Variants in CCDC30 observed in about 807,000 individuals in gnomAD.
CCDC30 encodes the protein coiled-coil domain containing 30, also known as coiled-coil domain-containing protein 30.
A neutral mutation model predicts 100.2 loss-of-function variants in CCDC30; 70 were observed. The ratio of observed to expected loss-of-function variants is 0.70; its 90% CI spans 0.58 to 0.85. The LOEUF (loss-of-function observed/expected upper bound fraction) is 0.85, where lower values mean the gene tolerates loss of function less well. CCDC30 is among the 40% of genes least tolerant of loss of function. The probability of loss-of-function intolerance (pLI) is 0.00; values close to 1 mark genes in which losing one functional copy is unlikely to be tolerated. For synonymous variants in CCDC30, 233 were observed against 269.5 expected (o/e 0.86, Z 1.33); for missense variants, 652 against 771.2 (o/e 0.85, Z 1.83).
intron 6 of CCDC30, among the ~76,000 whole-genome samples, chr1:42,535,583 G>A (rs1211564596): frequency 7.3e-6 from 1 of 136,492 alleles, no homozygotes; most frequent in Non-Finnish European, 1.6e-5. Context: ...GGGTCGGCCG[G>A]GCACGGTGGC....
At chr1:42,523,028 C>A (rs913185319) in intron 6 of CCDC30, among the ~76,000 whole-genome samples, 1 of 151,908 alleles carries the variant, frequency 6.6e-6, no homozygotes, top group Non-Finnish European at 1.5e-5. Context: ...CAGGCTTTCA[C>A]CATGTTGGCT....
chr1:42,612,920 A>G (rs1399122183), intron 11 of CCDC30, among the ~76,000 whole-genome samples: 1 of 152,222 alleles, frequency 6.6e-6, no homozygotes, highest in African/African-American at 2.4e-5. Flanking sequence ...GTGCTGAAAA[A>G]AATCATTTTA....
At chr1:42,520,971 C>T (rs1452397282) in intron 6 of CCDC30, among the ~76,000 whole-genome samples, 2 of 99,488 alleles carry the variant, frequency 2.0e-5, no homozygotes, top group African/African-American at 5.8e-5. Context: ...TAAGTATTTT[C>T]TTTTTTCTTT....
chr1:42,547,415 G>A (rs1418193788), intron 6 of CCDC30, among the ~76,000 whole-genome samples: 1 of 152,146 alleles, frequency 6.6e-6, no homozygotes. Context: ...AAGATGAAAT[G>A]GTCAATCTGA....
rs564279298 is a variant in CCDC30, at chr1:42,526,524, C to A, written c.456+27608C>A. ...GAATAATTCATATCCTTTTCCCAGGCCTTGTTTTTATTTGGATCTCTTTTC... is the reference window on the plus strand; with the variant it reads ...GAATAATTCATATCCTTTTCCCAGGACTTGTTTTTATTTGGATCTCTTTTC... On this transcript the variant is annotated intron_variant, in intron 6 of 16. Coordinates refer to ENST00000668663, the Ensembl canonical transcript of CCDC30. 8.4e-4 allele frequency among the ~76,000 whole-genome samples: 128 copies of A among 151,992 alleles called. 1 individual carries two copies. The highest frequency in any genetic ancestry group is 4.7e-3 in the Admixed American group (72 of 15,262).
chr1:42,524,014 TA>T (rs1234317844), intron 6 of CCDC30, among the ~76,000 whole-genome samples: 3 of 152,102 alleles, frequency 2.0e-5, no homozygotes, highest in Non-Finnish European at 2.9e-5. Flanking sequence ...CATGTGTCCA[TA>T]AGCTTCCTTA....
At chr1:42,520,257 CT>C (rs940012775) in intron 6 of CCDC30, among the ~76,000 whole-genome samples, 1 of 141,918 alleles carries the variant, frequency 7.0e-6, no homozygotes, top group Non-Finnish European at 1.6e-5. Flanking sequence ...CCCGCCTTCA[CT>C]TTGCTTTTTC....
At chr1:42,556,515 T>C (rs1645374193) in intron 6 of CCDC30, 110 bp downstream of exon 10, 2 of 1,224,494 alleles carry the variant, frequency 1.6e-6, no homozygotes, top group East Asian at 5.1e-5. Flanking sequence ...TTTTATTTTT[T>C]TAGGTACATA....
chr1:42,464,381 A>G (rs1270791584), intron 1 of CCDC30, among the ~76,000 whole-genome samples: 6 of 152,236 alleles, frequency 3.9e-5, no homozygotes, highest in African/African-American at 1.4e-4. Flanking sequence ...AAGGGCATTC[A>G]AAGTGATCAT....
intron 14 of CCDC30, 116 bp from the exon 19 acceptor site, chr1:42,646,019 C>G: frequency 7.6e-7 from 1 of 1,320,764 alleles, no homozygotes; most frequent in East Asian, 2.6e-5. Flanking sequence ...AGAATGGTCA[C>G]ATGGATCAGA....
chr1:42,498,195 A>C (rs1367849590), intron 5 of CCDC30, among the ~76,000 whole-genome samples: 1 of 152,220 alleles, frequency 6.6e-6, no homozygotes, highest in Admixed American at 6.5e-5. Context: ...ATAATATGTG[A>C]TTACACTTAT....
chr1:42,550,920 C>T (rs534869761), intron 6 of CCDC30, among the ~76,000 whole-genome samples: 1 of 152,204 alleles, frequency 6.6e-6, no homozygotes, highest in South Asian at 2.1e-4. Context: ...GTTAGCCACC[C>T]CTATTCTGTT....
chr1:42,572,822 T>C (rs765531641), intron 7 of CCDC30, among the ~76,000 whole-genome samples: 45 of 152,326 alleles, frequency 3.0e-4, no homozygotes, highest in Admixed American at 2.0e-3. Flanking sequence ...TTTCACCATA[T>C]TGGCCTGGCT....
chr1:42,613,948 G>A (rs560693868), intron 11 of CCDC30, among the ~76,000 whole-genome samples: 1 of 152,110 alleles, frequency 6.6e-6, no homozygotes, highest in East Asian at 1.9e-4. Flanking sequence ...AGTTGCTCTG[G>A]TTCAAATGCC....
chr1:42,622,482 G>C (rs772312751), intron 11 of CCDC30, among the ~76,000 whole-genome samples: 23 of 152,120 alleles, frequency 1.5e-4, no homozygotes, highest in Non-Finnish European at 2.6e-4. Flanking sequence ...ATATATGATA[G>C]CTCAATGTTT....
intron 1 of CCDC30, among the ~76,000 whole-genome samples, chr1:42,477,481 G>A (rs1391998200): frequency 6.6e-6 from 1 of 152,114 alleles, no homozygotes; most frequent in Non-Finnish European, 1.5e-5. Flanking sequence ...ACTCGCCTCA[G>A]CCTCCCAAAG....
chr1:42,608,035 G>A (rs982526849), intron 10 of CCDC30, among the ~76,000 whole-genome samples: 2 of 151,564 alleles, frequency 1.3e-5, no homozygotes, highest in African/African-American at 2.4e-5. Flanking sequence ...GGGATCATAC[G>A]GCCCTTTAAG....
intron 10 of CCDC30, among the ~76,000 whole-genome samples, chr1:42,609,689 G>C (rs1646578931): frequency 6.6e-6 from 1 of 152,224 alleles, no homozygotes; most frequent in Non-Finnish European, 1.5e-5. Context: ...TGGAGACAAT[G>C]AGAAGTGGTG....
At chr1:42,476,032 T>C (rs1411581295) in intron 1 of CCDC30, among the ~76,000 whole-genome samples, 3 of 152,190 alleles carry the variant, frequency 2.0e-5, no homozygotes, top group Non-Finnish European at 4.4e-5. Context: ...ATATACTGAA[T>C]TGGACAGACA....
Sources: allele counts gnomAD v4.1 joint callset (sites outside exome capture counted in the v4.1 genomes callset), GRCh38; gene constraint gnomAD v4.1.1; transcripts MANE v1.5; gene names NCBI Gene and HGNC (gene_info 2026-07-23, HGNC 2026-07-21).